TMTC4: variants seen among roughly 807,000 people sequenced by gnomAD.
The protein encoded by TMTC4 is transmembrane O-mannosyltransferase targeting cadherins 4.
TMTC4 carries 65 observed loss-of-function variants against 86.0 expected under a neutral mutation model. That is an observed-to-expected ratio of 0.76 (90% CI 0.62 to 0.93). TMTC4 has a LOEUF of 0.93. Ranked by LOEUF, TMTC4 falls within the 40% of genes least tolerant of loss-of-function variation. The pLI is 0.00. For synonymous variants in TMTC4, 379 were observed against 382.5 expected (o/e 0.99, Z 0.11); for missense variants, 866 against 948.1 (o/e 0.91, Z 1.14).
intron 17 of TMTC4, among the ~76,000 whole-genome samples, chr13:100,610,806 C>T (rs538506660): frequency 2.0e-5 from 3 of 152,296 alleles, no homozygotes; most frequent in East Asian, 1.9e-4. Context: ...CAAGAAGACT[C>T]GCTGTAGCTG....
At chr13:100,658,270 T>C (rs1885346169) in intron 5 of TMTC4, among the ~76,000 whole-genome samples, 1 of 151,058 alleles carries the variant, frequency 6.6e-6, no homozygotes, top group Non-Finnish European at 1.5e-5. Context: ...TGAACAGGAG[T>C]AGCAGAAAGG....
intron 6 of TMTC4, among the ~76,000 whole-genome samples, chr13:100,646,709 G>C (rs901407733): frequency 1.3e-5 from 2 of 152,214 alleles, no homozygotes; most frequent in Non-Finnish European, 2.9e-5. Flanking sequence ...TTACACAACA[G>C]TATGCTTAGA....
At chr13:100,644,823 T>A (rs1675969633) in intron 6 of TMTC4, among the ~76,000 whole-genome samples, 1 of 150,410 alleles carries the variant, frequency 6.6e-6, no homozygotes, top group African/African-American at 2.4e-5. Context: ...CGAACATACT[T>A]TTTTTTTTTG....
In TMTC4 at chr13:100,625,867, T is replaced by A. The variant is rs1259347040; in HGVS notation, c.1612A>T (p.Met538Leu). The A allele has an allele frequency of 4.3e-6, 7 of 1,613,526 alleles. No individual in the cohort carries two copies. Among genetic ancestry groups the A allele is most frequent in the Non-Finnish European group, 5.9e-6 (7 of 1,179,994 alleles). ...VRLNPKYVHA[M>L]NNLGNILKER... ...TTTAAGATATTTCCAAGATTATTCA[T>A]GGCATGAACATACTTGGGATTTAAT... Residue 538 changes from methionine to leucine, a missense_variant, in exon 14 of 19, where the codon ATG becomes TTG. Transcript: ENST00000342624.
chr13:100,625,134 C>A (rs1227939030), intron 15 of TMTC4: 1 of 209,992 alleles, frequency 4.8e-6, no homozygotes, highest in Non-Finnish European at 9.7e-6. Flanking sequence ...AGAAGGAGAA[C>A]AAGGGAGCTC....
chr13:100,604,904 G>A lies in TMTC4; in HGVS notation c.*90C>T. 7.1e-7 allele frequency: 1 copy of A among 1,412,006 alleles called. No homozygotes were observed. The highest frequency in any genetic ancestry group is 9.4e-7 in the Non-Finnish European group (1 of 1,067,482). The allele number at this position is 1,412,006 out of a possible 1,614,324, so 87.5% of individuals were successfully genotyped here. Reference sequence around the variant, plus strand: ...AAAATCAGTAAAATAACATGTCTAAGACTTTTAAATGGTTAAATGTAACCA... The same window carrying A: ...AAAATCAGTAAAATAACATGTCTAAAACTTTTAAATGGTTAAATGTAACCA... On this transcript the variant is annotated 3_prime_UTR_variant, in exon 19 of 19. Transcript: ENST00000342624.
chr13:100,605,258 T>C lies in TMTC4; in HGVS notation c.2135-116A>G, dbSNP rs1391936776. Reference sequence around the variant, plus strand: ...TATGCAAACAGTTTTCAAAAGTCAATTGTATGAAACAATATTGTTTGTACT... The same window carrying C: ...TATGCAAACAGTTTTCAAAAGTCAACTGTATGAAACAATATTGTTTGTACT... On this transcript the variant is annotated intron_variant, in intron 18 of 18. Coordinates refer to ENST00000342624, the MANE Select transcript of TMTC4 (RefSeq NM_032813.5). The surrounding 1 kb of genome is among the most constrained non-coding windows in gnomAD (Gnocchi z 4.3). 4.9e-6 allele frequency: 6 copies of C among 1,213,958 alleles called. No individual in the cohort carries two copies. The highest frequency in any genetic ancestry group is 6.9e-6 in the Non-Finnish European group (6 of 873,838). 75.2% of individuals were successfully genotyped at this position (1,213,958 alleles called of 1,614,324 possible). A position where few individuals can be genotyped will look rare whatever the true frequency, so the allele number is the denominator to read the frequency against.
In TMTC4 at chr13:100,604,861, T is replaced by G; in HGVS notation, c.*133A>C. 2.0e-6 allele frequency: 2 copies of G among 1,025,482 alleles called. No homozygotes were observed. The highest frequency in any genetic ancestry group is 2.7e-6 in the Non-Finnish European group (2 of 747,378). The allele number at this position is 1,025,482 out of a possible 1,614,324, so 63.5% of individuals were successfully genotyped here. On this transcript the variant is annotated 3_prime_UTR_variant, in exon 19 of 19. Transcript: ENST00000342624. ...GCTGGTGCTATAATCTTTTTGCATG[T>G]CTTTGTTTTCATAGAAAAAAATCAG...
At chr13:100,646,223 C>T (rs912957653) in intron 6 of TMTC4, among the ~76,000 whole-genome samples, 9 of 152,158 alleles carry the variant, frequency 5.9e-5, no homozygotes, top group Admixed American at 3.9e-4. Flanking sequence ...CACGGCTGGA[C>T]GGCTGGCACC....
chr13:100,624,371 A>G (rs1278718054), intron 15 of TMTC4: 3 of 151,806 alleles, frequency 2.0e-5, no homozygotes, highest in Admixed American at 6.6e-5. Flanking sequence ...AAAATAAAAA[A>G]AGAAAGAGAC....
At chr13:100,664,434 G>T in intron 3 of TMTC4, 98 bp from the exon 4 acceptor site, 1 of 773,972 alleles carries the variant, frequency 1.3e-6, no homozygotes, top group Non-Finnish European at 2.0e-6. Flanking sequence ...AGGCCTCCTA[G>T]CGGGGATGCT....
chr13:100,612,808 GATAC>G (rs1339905526), intron 16 of TMTC4, among the ~76,000 whole-genome samples: 2 of 152,044 alleles, frequency 1.3e-5, no homozygotes, highest in Non-Finnish European at 2.9e-5. Flanking sequence ...TTTTTTCCCA[GATAC>G]CAGTTATACC....
chr13:100,623,492 C>CA (rs1284289598), intron 15 of TMTC4, among the ~76,000 whole-genome samples: 27 of 152,186 alleles, frequency 1.8e-4, no homozygotes, highest in African/African-American at 5.8e-4. Flanking sequence ...CTTGGCCTCC[C>CA]AAAGTGCCGG....
At chr13:100,653,412 TGATGTCGCC>T (rs912880465) in intron 6 of TMTC4, among the ~76,000 whole-genome samples, 1 of 152,094 alleles carries the variant, frequency 6.6e-6, no homozygotes, top group African/African-American at 2.4e-5. Flanking sequence ...GGGGCTGTTC[TGATGTCGCC>T]GGGCCAGGGA....
chr13:100,674,589 G>A, intron 1 of TMTC4, 155 bp downstream of exon 1: 2 of 982,520 alleles, frequency 2.0e-6, no homozygotes, highest in African/African-American at 1.8e-5. Context: ...CGCAGCTCAG[G>A]TCCCGGAACC....
intron 5 of TMTC4, 54 bp from the exon 6 acceptor site, chr13:100,656,522 C>A: frequency 9.6e-7 from 1 of 1,043,340 alleles, no homozygotes; most frequent in Non-Finnish European, 1.4e-6. Flanking sequence ...TTAAGGAAAT[C>A]CTAAACTTAG....
intron 12 of TMTC4, among the ~76,000 whole-genome samples, chr13:100,628,875 G>A (rs1447582058): frequency 7.2e-5 from 11 of 152,182 alleles, no homozygotes; most frequent in Non-Finnish European, 1.3e-4. Flanking sequence ...TTGGCCGGGC[G>A]CAGTGCCTCA....
intron 5 of TMTC4, among the ~76,000 whole-genome samples, chr13:100,661,941 G>A (rs1225507318): frequency 6.6e-6 from 1 of 152,132 alleles, no homozygotes; most frequent in Non-Finnish European, 1.5e-5. Flanking sequence ...AATGACTCCA[G>A]TCAAATCTTG....
intron 6 of TMTC4, among the ~76,000 whole-genome samples, chr13:100,647,235 CTGAT>C (rs1359860132): frequency 4.6e-5 from 7 of 152,294 alleles, no homozygotes; most frequent in African/African-American, 1.4e-4. Context: ...TATAAACGAC[CTGAT>C]TAATTACCAT....
Sources: gnomAD v4.1 joint callset for allele counts (sites outside exome capture counted in the v4.1 genomes callset) on GRCh38, gnomAD v4.1.1 for gene constraint, Gnocchi (gnomAD v3.1) non-coding constraint, MANE v1.5 for transcripts, NCBI Gene and HGNC (gene_info 2026-07-23, HGNC 2026-07-21) for gene names.